The following CINP variants were observed in gnomAD, a reference collection of about 807,000 sequenced individuals.
The protein encoded by CINP is cyclin dependent kinase 2 interacting protein, also known as cyclin-dependent kinase 2-interacting protein.
CINP carries 11 observed loss-of-function variants against 20.5 expected under a neutral mutation model. The ratio of observed to expected loss-of-function variants is 0.54; its 90% CI spans 0.34 to 0.89. The LOEUF (loss-of-function observed/expected upper bound fraction) is 0.89. CINP is among the 40% of genes least tolerant of loss of function. The pLI, the probability that CINP is intolerant of heterozygous loss-of-function variation, is 0.02. For synonymous variants in CINP, 108 were observed against 102.1 expected, an observed-to-expected ratio of 1.06 and a Z score of -0.35; for missense variants, 213 against 251.0, an observed-to-expected ratio of 0.85 and a Z score of 1.02.
At chr14:102,360,560 C>A (rs914293860) in intron 1 of CINP, among the ~76,000 whole-genome samples, 10 of 152,198 alleles carry the variant, frequency 6.6e-5, no homozygotes, top group African/African-American at 2.4e-4. Flanking sequence ...GCTGTGAGAT[C>A]TTGGGCAACT....
rs1248492402 is a variant in CINP, at chr14:102,355,492, GCGACAAAGCAAGACTC to G, written c.306+260_306+275del. On this transcript the variant is annotated intron_variant, in intron 3 of 4. Transcript: ENST00000216756. ...ATCACGCCATTGCACTCCAGCCTGG[GCGACAAAGCAAGACTC>G]CATATCATGGAAAAAAAAAAAAAAT... 5 of 273,718 alleles carry G rather than the reference GCGACAAAGCAAGACTC, an allele frequency of 1.8e-5. No homozygotes were observed. In the South Asian group the frequency reaches 1.9e-4, roughly 10 times the overall value. 17.0% of individuals were successfully genotyped at this position (273,718 alleles called of 1,614,324 possible). A position where few individuals can be genotyped will look rare whatever the true frequency, so the allele number is the denominator to read the frequency against.
chr14:102,352,687 C>G (rs886372657), intron 3 of CINP: 1 of 392,558 alleles, frequency 2.5e-6, no homozygotes, highest in Non-Finnish European at 5.0e-6. Context: ...GACACGGAGT[C>G]TCACTCTGTG....
At chr14:102,354,314 A>G (rs778951494) in intron 3 of CINP, among the ~76,000 whole-genome samples, 3 of 152,244 alleles carry the variant, frequency 2.0e-5, no homozygotes, top group Admixed American at 1.3e-4. Flanking sequence ...TCCCTGGAAC[A>G]CAGGTCAATT....
chr14:102,349,872 T>G, intron 4 of CINP, 47 bp downstream of exon 4: 1 of 1,609,180 alleles, frequency 6.2e-7, no homozygotes, highest in South Asian at 1.1e-5. Context: ...TAAATGCCCT[T>G]AATAACCTTT....
At position 102,355,862 on chromosome 14, in the gene CINP, G is replaced by C. The variant is rs1372876066; in HGVS notation, c.212C>G (p.Pro71Arg). 6.2e-7 allele frequency: 1 copy of C among 1,614,128 alleles called. No individual in the cohort carries two copies. Among genetic ancestry groups the C allele is most frequent in the Admixed American group, 1.7e-5 (1 of 60,022 alleles). The change falls in exon 3 of 5, where the codon CCA (proline) becomes CGA (arginine). Residue 71 changes from proline (P) to arginine (R), a missense_variant. Transcript: ENST00000216756. ...KDKIELDSSS[P>R]ASKENEEKVC... Reference sequence around the variant, plus strand: ...CTTTTCTTCATTTTCCTTCGAGGCTGGGCTGCTGCTGTCTAGTTCTATCTT... The same window carrying C: ...CTTTTCTTCATTTTCCTTCGAGGCTCGGCTGCTGCTGTCTAGTTCTATCTT...
chr14:102,362,286 G>A (rs1887182475), intron 1 of CINP, among the ~76,000 whole-genome samples: 1 of 152,190 alleles, frequency 6.6e-6, no homozygotes, highest in African/African-American at 2.4e-5. Flanking sequence ...AGGGTAGGGT[G>A]AGGGCACAGT....
chr14:102,355,246 G>A (rs1439347958), intron 3 of CINP, among the ~76,000 whole-genome samples: 1 of 152,152 alleles, frequency 6.6e-6, no homozygotes, highest in Admixed American at 6.6e-5. Context: ...GCTGGGCGTG[G>A]TAGCTCATGC....
In CINP at chr14:102,348,773, G is replaced by C. The variant is rs1597745598; in HGVS notation, c.437-14C>G. ...GCGAAACCTCATCTGAAAGAAACGT[G>C]AATCTCCCTTAATGGCAGTGATTCA... On this transcript the variant is annotated splice_polypyrimidine_tract_variant and intron_variant, in intron 4 of 4. Transcript: ENST00000216756. 1.2e-6 allele frequency: 2 copies of C among 1,609,154 alleles called. No homozygotes were observed. Among genetic ancestry groups the C allele is most frequent in the East Asian group, 2.2e-5 (1 of 44,798 alleles).
chr14:102,352,491 C>T (rs185001630), intron 3 of CINP: 173 of 455,790 alleles, frequency 3.8e-4, no homozygotes, highest in African/African-American at 2.9e-3. Context: ...TTAGGAAGAA[C>T]GGTGCATGAA....
intron 1 of CINP, among the ~76,000 whole-genome samples, chr14:102,360,925 A>G (rs1457210757): frequency 1.3e-5 from 2 of 152,214 alleles, no homozygotes; most frequent in Non-Finnish European, 1.5e-5. Context: ...CTTTACTTAA[A>G]CAACAAATAT....
chr14:102,351,296 A>C lies in CINP; in HGVS notation c.307-1248T>G, dbSNP rs1370353263. Among the ~76,000 whole-genome samples the C allele has an allele frequency of 6.6e-6, 1 of 152,192 alleles. No homozygotes were observed. The highest frequency in any genetic ancestry group is 1.5e-5 in the Non-Finnish European group (1 of 68,034). On this transcript the variant is annotated intron_variant, in intron 3 of 4. Coordinates refer to ENST00000216756, the MANE Select transcript of CINP (RefSeq NM_032630.3). This position sits in a 1 kb window ranked among gnomAD's most constrained non-coding sequence, Gnocchi z 4.2. The stretch of plus-strand genomic sequence containing the variant: ...ACCAGGCTCTGTCCTAAGCCCTGTA[A>C]CTGCATGATGTGTATGGCTACTTGT...
chr14:102,355,558 T>A, intron 3 of CINP: 1 of 493,164 alleles, frequency 2.0e-6, no homozygotes. Flanking sequence ...GCCCTGAAAG[T>A]GGGTGACATT....
intron 1 of CINP, among the ~76,000 whole-genome samples, chr14:102,360,663 T>C (rs1887119827): frequency 6.6e-6 from 1 of 152,214 alleles, no homozygotes; most frequent in East Asian, 1.9e-4. Context: ...AGATAATATA[T>C]GTGAAGCTGT....
At chr14:102,354,672 G>A (rs1035550291) in intron 3 of CINP, among the ~76,000 whole-genome samples, 4 of 152,128 alleles carry the variant, frequency 2.6e-5, no homozygotes, top group Non-Finnish European at 5.9e-5. Context: ...CACAAGAATT[G>A]CTTGAACCCA....
At chr14:102,348,800 G>A (rs1261653857) in intron 4 of CINP, 41 bp from the exon 5 acceptor site, 7 of 1,569,294 alleles carry the variant, frequency 4.5e-6, no homozygotes, top group African/African-American at 1.4e-5. Context: ...AGTGATTCAA[G>A]AACATAGTGT....
chr14:102,356,148 C>T (rs1022561521), intron 2 of CINP, among the ~76,000 whole-genome samples: 2 of 152,136 alleles, frequency 1.3e-5, no homozygotes, highest in African/African-American at 4.8e-5. Context: ...GTTTTGGTGG[C>T]TCATGCCTGT....
At chr14:102,349,421 C>A (rs1430055922) in intron 4 of CINP, among the ~76,000 whole-genome samples, 2 of 152,140 alleles carry the variant, frequency 1.3e-5, no homozygotes, top group African/African-American at 4.8e-5. Flanking sequence ...AAATAGCTTA[C>A]CCTTGTCTTG....
chr14:102,355,395 G>A (rs1886974488), intron 3 of CINP: 1 of 167,138 alleles, frequency 6.0e-6, no homozygotes, highest in Non-Finnish European at 1.3e-5. Flanking sequence ...GACGCCTGTA[G>A]TCCCAGCTAC....
chr14:102,354,336 C>G (rs977389195), intron 3 of CINP, among the ~76,000 whole-genome samples: 2 of 152,144 alleles, frequency 1.3e-5, no homozygotes, highest in African/African-American at 4.8e-5. Flanking sequence ...TGGCCCATAG[C>G]CTATTTCTGT....
Sources: gnomAD v4.1 joint callset for allele counts (sites outside exome capture counted in the v4.1 genomes callset) on GRCh38, gnomAD v4.1.1 for gene constraint, Gnocchi (gnomAD v3.1) non-coding constraint, MANE v1.5 for transcripts, NCBI Gene and HGNC (gene_info 2026-07-23, HGNC 2026-07-21) for gene names.